Variants in MATN2 observed in about 807,000 individuals in gnomAD.
MATN2 encodes the protein matrilin-2.
A neutral mutation model predicts 103.2 loss-of-function variants in MATN2; 69 were observed. The ratio of observed to expected loss-of-function variants is 0.67; its 90% confidence interval spans 0.55 to 0.82. MATN2 has a LOEUF of 0.82. MATN2 is among the 40% of genes least tolerant of loss of function. MATN2 has a pLI of 0.00. For synonymous variants in MATN2, 429 were observed against 450.2 expected (o/e 0.95, Z 0.60); for missense variants, 1,023 against 1,211.5 (o/e 0.84, Z 2.31).
chr8:97,933,067 G>A (rs959606341), intron 3 of MATN2, among the ~76,000 whole-genome samples: 1 of 152,108 alleles, frequency 6.6e-6, no homozygotes, highest in Admixed American at 6.5e-5. Flanking sequence ...AAAATCCCCT[G>A]CTGAGAACTA....
At chr8:98,025,934 T>C (rs886126877) in intron 13 of MATN2, among the ~76,000 whole-genome samples, 1 of 151,936 alleles carries the variant, frequency 6.6e-6, no homozygotes, top group African/African-American at 2.4e-5. Context: ...TCCCAGCACT[T>C]TGGAAGGCCA....
intron 7 of MATN2, among the ~76,000 whole-genome samples, chr8:97,999,856 G>A (rs1026080899): frequency 8.7e-5 from 10 of 115,238 alleles, no homozygotes; most frequent in South Asian, 2.6e-4. Context: ...GGCACGTCAC[G>A]GATTCTTTTT....
intron 2 of MATN2, among the ~76,000 whole-genome samples, chr8:97,901,173 C>G (rs1364044376): frequency 6.6e-6 from 1 of 152,102 alleles, no homozygotes; most frequent in African/African-American, 2.4e-5. Flanking sequence ...CTGAATTTGT[C>G]TCCAAAGTGA....
At chr8:97,908,269 A>T (rs1300899961) in intron 2 of MATN2, among the ~76,000 whole-genome samples, 4 of 152,090 alleles carry the variant, frequency 2.6e-5, no homozygotes, top group Non-Finnish European at 5.9e-5. Flanking sequence ...AAAAAAAAAA[A>T]GTCACTTTGT....
chr8:98,001,016 G>C (rs1338874175), intron 7 of MATN2, among the ~76,000 whole-genome samples: 1 of 152,212 alleles, frequency 6.6e-6, no homozygotes, highest in African/African-American at 2.4e-5. Flanking sequence ...TGAGACAAGA[G>C]GGTGATGTGT....
At chr8:97,895,035 G>C (rs1818764054) in intron 2 of MATN2, among the ~76,000 whole-genome samples, 1 of 152,098 alleles carries the variant, frequency 6.6e-6, no homozygotes, top group Non-Finnish European at 1.5e-5. Context: ...ACCATGCCCG[G>C]CTAATTTTTG....
rs1450134360 is a variant in MATN2 at position 98,032,317 on chromosome 8, G to GGTACAGT, written c.2581+1_2581+7dup. ...GCCAAAAACGGTCCAACAGCCAACAGGTACAGTTTTTAAGGCAGTGTTTTT... is the reference window on the plus strand; with the variant it reads ...GCCAAAAACGGTCCAACAGCCAACAGGTACAGTGTACAGTTTTTAAGGCAGTGTTTTT... On this transcript the variant is annotated frameshift_variant and splice_region_variant. Transcript: ENST00000254898. LOFTEE classifies it high-confidence loss of function. 6.2e-7 allele frequency: 1 copy of GGTACAGT among 1,608,290 alleles called. No homozygotes were observed. Among genetic ancestry groups the GGTACAGT allele is most frequent in the Non-Finnish European group, 8.5e-7 (1 of 1,177,090 alleles).
chr8:98,023,933 C>A (rs559411462), intron 13 of MATN2, among the ~76,000 whole-genome samples: 1 of 152,274 alleles, frequency 6.6e-6, no homozygotes, highest in East Asian at 1.9e-4. Context: ...AGCAAACTAA[C>A]ACAGAAACAG....
At position 98,020,872 on chromosome 8, in the gene MATN2, C is replaced by T. The variant is rs74503233; in HGVS notation, c.1820-333C>T. 2.9e-4 allele frequency: 59 copies of T among 206,872 alleles called. 2 individuals are homozygous for T. The East Asian group carries it at 6.7e-3, about 24-fold the overall frequency. 12.8% of individuals were successfully genotyped at this position (206,872 alleles called of 1,614,324 possible). ...TTCGAAGAGTTTAAATTACCTCACA[C>T]ATGAGAAATGTTCATTAGACAATCT... On this transcript the variant is annotated intron_variant, in intron 12 of 18. Coordinates refer to ENST00000254898, the MANE Select transcript of MATN2 (RefSeq NM_002380.5).
chr8:97,974,330 G>A (rs907576778), intron 5 of MATN2, among the ~76,000 whole-genome samples: 4 of 152,076 alleles, frequency 2.6e-5, no homozygotes, highest in African/African-American at 9.7e-5. Flanking sequence ...GTAGAGATGG[G>A]GTTTCACCAT....
intron 10 of MATN2, among the ~76,000 whole-genome samples, chr8:98,013,620 C>G (rs1479249199): frequency 2.0e-5 from 3 of 152,128 alleles, no homozygotes; most frequent in East Asian, 3.8e-4. Flanking sequence ...TCCCAGAAAC[C>G]CTGAATCAGA....
intron 13 of MATN2, among the ~76,000 whole-genome samples, chr8:98,022,350 C>A (rs1008019652): frequency 5.2e-5 from 6 of 115,424 alleles, no homozygotes; most frequent in East Asian, 2.9e-4. Flanking sequence ...AATGTGTATA[C>A]CCTTATGCAC....
chr8:97,884,205 A>G (rs983897992), intron 1 of MATN2, among the ~76,000 whole-genome samples: 24 of 150,772 alleles, frequency 1.6e-4, no homozygotes, highest in Non-Finnish European at 2.9e-4. Flanking sequence ...CAATGGTGCA[A>G]TCTTGGCTCA....
chr8:97,927,412 G>A (rs1051554790), intron 2 of MATN2, among the ~76,000 whole-genome samples: 3 of 151,874 alleles, frequency 2.0e-5, no homozygotes, highest in Non-Finnish European at 4.4e-5. Flanking sequence ...TGCCTGCCTC[G>A]GCCTCCCAAA....
chr8:98,034,163 T>TC (rs1586179903), intron 18 of MATN2: 2 of 455,906 alleles, frequency 4.4e-6, no homozygotes, highest in Non-Finnish European at 8.8e-6. Flanking sequence ...TTCTTTTTTT[T>TC]CCCTTGGCAG....
At chr8:97,895,153 G>A (rs1320969572) in intron 2 of MATN2, among the ~76,000 whole-genome samples, 2 of 152,138 alleles carry the variant, frequency 1.3e-5, no homozygotes, top group Non-Finnish European at 2.9e-5. Flanking sequence ...AATTACAGGC[G>A]TGAGCCACCG....
intron 4 of MATN2, among the ~76,000 whole-genome samples, chr8:97,945,502 A>T (rs1483464132): frequency 6.6e-6 from 1 of 151,630 alleles, no homozygotes; most frequent in Non-Finnish European, 1.5e-5. Context: ...CAATCAGAAA[A>T]CCTTCTCCAA....
chr8:97,874,470 A>C (rs1006321820), intron 1 of MATN2, among the ~76,000 whole-genome samples: 29 of 150,082 alleles, frequency 1.9e-4, no homozygotes, highest in African/African-American at 7.1e-4. Flanking sequence ...CAGTGGTGCG[A>C]TCACGGCTCA....
chr8:97,939,660 C>T (rs1417186718), intron 3 of MATN2, among the ~76,000 whole-genome samples: 1 of 152,134 alleles, frequency 6.6e-6, no homozygotes, highest in African/African-American at 2.4e-5. Context: ...ACAAAATAAA[C>T]TAAATTTAGA....
Sources: allele counts gnomAD v4.1 joint callset (sites outside exome capture counted in the v4.1 genomes callset), GRCh38; gene constraint gnomAD v4.1.1; transcripts MANE v1.5; gene names NCBI Gene and HGNC (gene_info 2026-07-23, HGNC 2026-07-21).